MTMR7: variants seen among roughly 807,000 people sequenced by gnomAD.
MTMR7 encodes the protein myotubularin related protein 7, also known as phosphatidylinositol-3-phosphate phosphatase MTMR7.
In MTMR7, 76 loss-of-function variants were observed where a neutral mutation model predicts 81.2. The ratio of observed to expected loss-of-function variants is 0.94; its 90% CI spans 0.78 to 1.13. The LOEUF is 1.13. MTMR7 is among the 50% of genes most tolerant of loss of function. The pLI, the probability that MTMR7 is intolerant of heterozygous loss-of-function variation, is 0.00. For synonymous variants in MTMR7, 372 were observed against 289.8 expected (o/e 1.28, Z -2.88); for missense variants, 1,044 against 820.0 (o/e 1.27, Z -3.34).
chr8:17,354,704 T>C (rs75332977), intron 4 of MTMR7, among the ~76,000 whole-genome samples: 1,742 of 152,230 alleles, frequency 0.011, 44 homozygotes, highest in African/African-American at 0.039. Flanking sequence ...ATAAGATAAG[T>C]TGTCAAACAA....
At chr8:17,374,059 G>A (rs773103978) in intron 1 of MTMR7, among the ~76,000 whole-genome samples, 1 of 152,140 alleles carries the variant, frequency 6.6e-6, no homozygotes, top group Non-Finnish European at 1.5e-5. Context: ...TGACCACAGC[G>A]CACAGCAATC....
intron 4 of MTMR7, among the ~76,000 whole-genome samples, chr8:17,355,690 AGCTATAAATTATAACAAATTATTG>A (rs1380025932): frequency 6.6e-6 from 1 of 152,172 alleles, no homozygotes; most frequent in East Asian, 1.9e-4. Flanking sequence ...TATCTGCAAG[AGCTATAAATTATAACAAATTATTG>A]GCTACATTAT....
At chr8:17,358,347 C>A (rs541204662) in intron 4 of MTMR7, among the ~76,000 whole-genome samples, 1 of 152,030 alleles carries the variant, frequency 6.6e-6, no homozygotes, top group South Asian at 2.1e-4. Context: ...AAAGAATACA[C>A]CAAGCAGATG....
At position 17,302,243 on chromosome 8, in the gene MTMR7, T is replaced by C. The variant is rs760120762; in HGVS notation, c.1531A>G (p.Met511Val). 6.2e-7 allele frequency: 1 copy of C among 1,613,964 alleles called. No homozygotes were observed. Among genetic ancestry groups the C allele is most frequent in the Admixed American group, 1.7e-5 (1 of 59,992 alleles). The change falls in exon 13 of 14, where the codon ATG becomes GTG. Residue 511 changes from methionine (M) to valine (V), a missense_variant. Transcript: ENST00000180173. ...TCTGTAACTGACTGTCGGGGCTGCA[T>C]CCCCTTTTCAAAGCGGTTATACATT... ...SGMYNRFEKGMQPRQSVTDYL... is the reference protein window; with the variant it reads ...SGMYNRFEKGVQPRQSVTDYL...
intron 8 of MTMR7, 134 bp downstream of exon 8, chr8:17,313,158 G>A (rs1224223815): frequency 1.3e-5 from 7 of 558,778 alleles, no homozygotes; most frequent in African/African-American, 9.3e-5. Flanking sequence ...ACAGACTACG[G>A]AGCTCTACAA....
At chr8:17,337,595 C>G (rs1462656354) in intron 6 of MTMR7, among the ~76,000 whole-genome samples, 1 of 152,082 alleles carries the variant, frequency 6.6e-6, no homozygotes, top group Non-Finnish European at 1.5e-5. Flanking sequence ...TGCTTGAAGA[C>G]TTCATTGACT....
At chr8:17,410,797 C>T (rs1026328713) in intron 1 of MTMR7, among the ~76,000 whole-genome samples, 5 of 152,170 alleles carry the variant, frequency 3.3e-5, no homozygotes, top group South Asian at 2.1e-4. Flanking sequence ...CAGTCTACAG[C>T]GAGTGAATGA....
intron 1 of MTMR7, among the ~76,000 whole-genome samples, chr8:17,401,322 C>T (rs1278240166): frequency 6.6e-6 from 1 of 152,060 alleles, no homozygotes; most frequent in Non-Finnish European, 1.5e-5. Context: ...GTTCCAGGCA[C>T]AGGAAACATC....
At chr8:17,334,497 A>G (rs1013917046) in intron 6 of MTMR7, among the ~76,000 whole-genome samples, 3 of 152,240 alleles carry the variant, frequency 2.0e-5, no homozygotes, top group African/African-American at 7.2e-5. Flanking sequence ...CATGTTTAAG[A>G]AACACACAAC....
chr8:17,321,950 G>C (rs1207977575), intron 7 of MTMR7, among the ~76,000 whole-genome samples: 1 of 152,194 alleles, frequency 6.6e-6, no homozygotes, highest in Non-Finnish European at 1.5e-5. Flanking sequence ...CAGATAATCT[G>C]CCTTAGGTAT....
At chr8:17,331,642 T>C (rs1819008934) in intron 6 of MTMR7, among the ~76,000 whole-genome samples, 1 of 152,180 alleles carries the variant, frequency 6.6e-6, no homozygotes, top group Non-Finnish European at 1.5e-5. Flanking sequence ...AACCGGTAGG[T>C]TGGCAGAAGA....
intron 6 of MTMR7, among the ~76,000 whole-genome samples, chr8:17,331,901 T>C (rs533087600): frequency 6.6e-6 from 1 of 152,294 alleles, no homozygotes; most frequent in South Asian, 2.1e-4. Context: ...ATTGGGCTTT[T>C]TGATCACTTT....
At chr8:17,333,977 C>A (rs1051154665) in intron 6 of MTMR7, among the ~76,000 whole-genome samples, 1 of 152,102 alleles carries the variant, frequency 6.6e-6, no homozygotes, top group Non-Finnish European at 1.5e-5. Flanking sequence ...TAAACATAAA[C>A]AAAAATTAAA....
intron 1 of MTMR7, among the ~76,000 whole-genome samples, chr8:17,413,053 C>G (rs980164490): frequency 3.3e-5 from 5 of 152,214 alleles, no homozygotes; most frequent in African/African-American, 1.2e-4. Context: ...AGAGGTCAGA[C>G]CCAGCAGCAG....
intron 1 of MTMR7, among the ~76,000 whole-genome samples, chr8:17,379,524 A>G (rs1170398116): frequency 6.6e-6 from 1 of 152,218 alleles, no homozygotes; most frequent in African/African-American, 2.4e-5. Context: ...AAGGATTAGA[A>G]GGAGATGGGG....
intron 1 of MTMR7, among the ~76,000 whole-genome samples, chr8:17,400,594 G>T (rs760892332): frequency 6.6e-6 from 1 of 152,028 alleles, no homozygotes; most frequent in African/African-American, 2.4e-5. Context: ...TTTTCTTGTC[G>T]TTGCAATTTG....
chr8:17,334,088 A>T (rs998062110), intron 6 of MTMR7, among the ~76,000 whole-genome samples: 1 of 152,234 alleles, frequency 6.6e-6, no homozygotes, highest in South Asian at 2.1e-4. Context: ...TTAAAAGCAA[A>T]GCAGCAACAC....
intron 13 of MTMR7, among the ~76,000 whole-genome samples, chr8:17,300,669 G>GTT (rs1817052488): frequency 6.6e-6 from 1 of 152,118 alleles, no homozygotes; most frequent in African/African-American, 2.4e-5. Context: ...GTGGTTTTTA[G>GTT]TTATATTCAC....
chr8:17,381,253 G>A lies in MTMR7; in HGVS notation c.25-8013C>T, dbSNP rs75757107. ...TCTTTTCTAGGCCAAGGCTGAAAAC[G>A]CTCAGTCAAAACCCTGGGCCCCACC... On this transcript the variant is annotated intron_variant, in intron 1 of 13. Coordinates refer to ENST00000180173, the MANE Select transcript of MTMR7 (RefSeq NM_004686.5). Among the ~76,000 whole-genome samples the A allele has an allele frequency of 7.6e-3, 1,157 of 152,094 alleles. 17 individuals carry two copies. The highest frequency in any genetic ancestry group is 9.0e-3 in the Non-Finnish European group (610 of 67,982).
Sources: gnomAD v4.1 joint callset for allele counts (sites outside exome capture counted in the v4.1 genomes callset) on GRCh38, gnomAD v4.1.1 for gene constraint, MANE v1.5 for transcripts, NCBI Gene and HGNC (gene_info 2026-07-23, HGNC 2026-07-21) for gene names.